CTNNA2: variants seen among roughly 807,000 people sequenced by gnomAD.
CTNNA2 encodes the protein catenin alpha-2.
In CTNNA2, 42 loss-of-function variants were observed where a neutral mutation model predicts 101.0. The observed-to-expected ratio is 0.42, with a 90% confidence interval of 0.32 to 0.54. CTNNA2 has a LOEUF of 0.54. Among genes scored for constraint, CTNNA2 ranks in the 20% least tolerant of loss-of-function variants. The pLI, the probability that CTNNA2 is intolerant of heterozygous loss-of-function variation, is 0.14. For missense variants in CTNNA2, 871 were observed against 1,223.1 expected, an observed-to-expected ratio of 0.71 and a Z score of 4.29; for synonymous variants, 450 against 456.4, an observed-to-expected ratio of 0.99 and a Z score of 0.18.
chr2:80,131,065 T>C (rs78322172), intron 7 of CTNNA2, among the ~76,000 whole-genome samples: 8,286 of 152,046 alleles, frequency 0.054, 344 homozygotes, highest in Non-Finnish European at 0.088. Flanking sequence ...GTTTGTTTGT[T>C]TGTTTGTTTT....
intron 7 of CTNNA2, among the ~76,000 whole-genome samples, chr2:80,359,975 G>A (rs1038622402): frequency 1.3e-5 from 2 of 151,748 alleles, no homozygotes; most frequent in South Asian, 4.2e-4. Flanking sequence ...GTAAATTTGG[G>A]GATAACTAAC....
intron 3 of CTNNA2, among the ~76,000 whole-genome samples, chr2:79,349,010 C>G (rs1223057953): frequency 2.0e-5 from 3 of 152,100 alleles, no homozygotes; most frequent in Admixed American, 1.3e-4. Context: ...CATGGAATAT[C>G]AATACAATAT....
intron 6 of CTNNA2, among the ~76,000 whole-genome samples, chr2:79,888,172 A>G (rs993772539): frequency 3.9e-5 from 6 of 152,194 alleles, no homozygotes; most frequent in Admixed American, 1.3e-4. Context: ...GGATGGTGAT[A>G]AAGATAGATG....
At chr2:79,412,007 C>T (rs534866093) in intron 4 of CTNNA2, among the ~76,000 whole-genome samples, 1 of 152,016 alleles carries the variant, frequency 6.6e-6, no homozygotes, top group African/African-American at 2.4e-5. Flanking sequence ...ACCCATCTCA[C>T]ATGCAAGACA....
At chr2:80,333,686 C>T (rs1183853323) in intron 7 of CTNNA2, among the ~76,000 whole-genome samples, 4 of 152,106 alleles carry the variant, frequency 2.6e-5, no homozygotes, top group Admixed American at 6.6e-5. Flanking sequence ...CAGGCAGTAG[C>T]GTGATCCCGG....
At chr2:80,512,856 G>T (rs891974844) in intron 9 of CTNNA2, among the ~76,000 whole-genome samples, 4 of 151,456 alleles carry the variant, frequency 2.6e-5, no homozygotes, top group Non-Finnish European at 5.9e-5. Flanking sequence ...ATCTATTTAT[G>T]CACTATGGCC....
In CTNNA2 at chr2:80,589,285, T is replaced by A; in HGVS notation, c.2008-19T>A. 1 of 1,612,730 alleles carries A rather than the reference T, an allele frequency of 6.2e-7. No individual in the cohort carries two copies. The highest frequency in any genetic ancestry group is 8.5e-7 in the Non-Finnish European group (1 of 1,179,184). ...TTCCTTTGTCACCGTCACTCACGCT[T>A]TTTCTGTAACCCACGCAGGCCATCA... On this transcript the variant is annotated intron_variant, in intron 14 of 18. Transcript: ENST00000402739.
chr2:79,469,251 C>G (rs891254662), intron 4 of CTNNA2, among the ~76,000 whole-genome samples: 1 of 152,154 alleles, frequency 6.6e-6, no homozygotes, highest in African/African-American at 2.4e-5. Context: ...CTATAAACAC[C>G]TCTACGCAAA....
chr2:80,322,571 C>T lies in CTNNA2; in HGVS notation c.1057-70640C>T, dbSNP rs1275004903. ...GCAGCTCCGGGACGGCGCGCGGCGG[C>T]GGAGGCCGCGGGGCCCCAAGCGCCA... On this transcript the variant is annotated intron_variant, in intron 7 of 18. Transcript: ENST00000402739. Among the ~76,000 whole-genome samples, 5 of 151,614 alleles carry T rather than the reference C, an allele frequency of 3.3e-5. No individual in the cohort carries two copies. In the East Asian group the frequency reaches 9.7e-4, roughly 29 times the overall value.
At chr2:79,852,890 G>A (rs939128314) in intron 3 of CTNNA2, among the ~76,000 whole-genome samples, 11 of 150,168 alleles carry the variant, frequency 7.3e-5, no homozygotes, top group Admixed American at 3.3e-4. Context: ...GCGCACAGCC[G>A]CAGTTTAACC....
At chr2:79,650,760 G>A (rs1681182866) in intron 1 of CTNNA2, among the ~76,000 whole-genome samples, 1 of 150,530 alleles carries the variant, frequency 6.6e-6, no homozygotes. Context: ...AGCATTAGGT[G>A]TATCTCCCAA....
At chr2:79,266,088 G>C (rs1006964865) in intron 2 of CTNNA2, among the ~76,000 whole-genome samples, 1 of 152,088 alleles carries the variant, frequency 6.6e-6, no homozygotes, top group South Asian at 2.1e-4. Flanking sequence ...GTTACCAACT[G>C]TACCTTCAGC....
At chr2:79,252,566 A>C (rs1674786776) in intron 2 of CTNNA2, among the ~76,000 whole-genome samples, 1 of 152,016 alleles carries the variant, frequency 6.6e-6, no homozygotes, top group African/African-American at 2.4e-5. Context: ...TCCCAGGACC[A>C]TTTCCTGAGT....
intron 4 of CTNNA2, among the ~76,000 whole-genome samples, chr2:79,434,932 C>A (rs1678697779): frequency 6.6e-6 from 1 of 152,160 alleles, no homozygotes; most frequent in Non-Finnish European, 1.5e-5. Context: ...AAGTAGAAAT[C>A]TCTCCACATA....
intron 7 of CTNNA2, among the ~76,000 whole-genome samples, chr2:80,280,438 T>A (rs149418940): frequency 1.1e-4 from 17 of 151,838 alleles, no homozygotes; most frequent in African/African-American, 3.9e-4. Flanking sequence ...TACCCTTGAT[T>A]TGAGCCCTTT....
At chr2:80,026,607 C>T (rs1408492323) in intron 7 of CTNNA2, among the ~76,000 whole-genome samples, 2 of 152,084 alleles carry the variant, frequency 1.3e-5, no homozygotes, top group Non-Finnish European at 2.9e-5. Context: ...AGGTGGACAC[C>T]ACTTTACTTA....
chr2:79,375,358 C>G (rs761888586), intron 4 of CTNNA2, among the ~76,000 whole-genome samples: 24 of 152,122 alleles, frequency 1.6e-4, no homozygotes, highest in Non-Finnish European at 2.9e-4. Flanking sequence ...ATATTTCTGA[C>G]CGTGCCTGGC....
chr2:79,601,079 A>G (rs1243304616), intron 1 of CTNNA2, among the ~76,000 whole-genome samples: 2 of 152,162 alleles, frequency 1.3e-5, no homozygotes, highest in African/African-American at 2.4e-5. Context: ...TACTCCTCCA[A>G]TGTTAGGGAG....
At chr2:79,220,544 C>T (rs971104478) in intron 2 of CTNNA2, among the ~76,000 whole-genome samples, 1 of 151,728 alleles carries the variant, frequency 6.6e-6, no homozygotes, top group Non-Finnish European at 1.5e-5. Context: ...GGGCAGGTGG[C>T]CCAAGTGAGA....
Sources: gnomAD v4.1 joint callset for allele counts (sites outside exome capture counted in the v4.1 genomes callset) on GRCh38, gnomAD v4.1.1 for gene constraint, MANE v1.5 for transcripts, NCBI Gene and HGNC (gene_info 2026-07-23, HGNC 2026-07-21) for gene names.